The following MBTD1 variants were observed in gnomAD, a reference collection of about 807,000 sequenced individuals.
MBTD1 encodes the protein MBT domain-containing protein 1.
In MBTD1, 24 loss-of-function variants were observed where a neutral mutation model predicts 87.8. The ratio of observed to expected loss-of-function variants is 0.27; its 90% CI spans 0.20 to 0.38. The LOEUF is 0.38. Among genes scored for constraint, MBTD1 ranks in the 10% least tolerant of loss-of-function variants. The probability of loss-of-function intolerance (pLI) is 1.00; values close to 1 mark genes in which losing one functional copy is unlikely to be tolerated. For missense variants in MBTD1, 436 were observed against 760.2 expected, an observed-to-expected ratio of 0.57 and a Z score of 5.02; for synonymous variants, 237 against 248.6, an observed-to-expected ratio of 0.95 and a Z score of 0.44.
chr17:51,227,145 G>C (rs574272171), intron 2 of MBTD1, among the ~76,000 whole-genome samples: 1 of 151,078 alleles, frequency 6.6e-6, no homozygotes, highest in Non-Finnish European at 1.5e-5. Flanking sequence ...GGGAGGATGA[G>C]GCAGGAGAAT....
At chr17:51,234,656 G>C (rs900509269) in intron 2 of MBTD1, among the ~76,000 whole-genome samples, 1 of 152,126 alleles carries the variant, frequency 6.6e-6, no homozygotes, top group Non-Finnish European at 1.5e-5. Context: ...CTTTACTGGG[G>C]AATTCTACTT....
chr17:51,217,242 C>T lies in MBTD1; in HGVS notation c.486+92G>A. ...AGTTACAAGACATAAAAACAAACACCTTCTAAGGATAAGATGCTTAGGTGT... is the reference window on the plus strand; with the variant it reads ...AGTTACAAGACATAAAAACAAACACTTTCTAAGGATAAGATGCTTAGGTGT... On this transcript the variant is annotated intron_variant, in intron 6 of 16. Coordinates refer to ENST00000586178, the MANE Select transcript of MBTD1 (RefSeq NM_017643.3). 6 of 665,072 alleles carry T rather than the reference C, an allele frequency of 9.0e-6. No homozygotes were observed. The South Asian group carries it at 1.3e-4, about 14-fold the overall frequency. 41.2% of individuals were successfully genotyped at this position (665,072 alleles called of 1,614,324 possible). A position where few individuals can be genotyped will look rare whatever the true frequency, so the allele number is the denominator to read the frequency against.
chr17:51,203,720 A>G (rs1398698148), intron 8 of MBTD1, 71 bp downstream of exon 8: 10 of 1,493,812 alleles, frequency 6.7e-6, no homozygotes. Context: ...TTACTCTAAC[A>G]TTACTATGTG....
chr17:51,237,980 G>A lies in MBTD1; in HGVS notation c.-48-12771C>T, dbSNP rs187991391. ...GGAATGAATTATTGATATACACAGC[G>A]TGGATAACCTAAGCCAGACCCAAAA... On this transcript the variant is annotated intron_variant, in intron 2 of 16. Transcript: ENST00000586178. 5.9e-5 allele frequency among the ~76,000 whole-genome samples: 9 copies of A among 152,254 alleles called. No individual in the cohort carries two copies. In the South Asian group the frequency reaches 6.2e-4, roughly 11 times the overall value.
rs1313212296 is a variant in MBTD1, at chr17:51,179,504, A to ATTTT, written c.*1071_*1072insAAAA. The ATTTT allele has an allele frequency of 7.5e-5, 6 of 80,220 alleles. No individual in the cohort carries two copies. The highest frequency in any genetic ancestry group is 1.0e-4 in the Non-Finnish European group (4 of 38,334). 5.0% of individuals were successfully genotyped at this position (80,220 alleles called of 1,614,324 possible). ...CAATTTTATATATATATATATATATATATATATATATATATATATATATAT... is the reference window on the plus strand; with the variant it reads ...CAATTTTATATATATATATATATATATTTTTATATATATATATATATATATATAT... On this transcript the variant is annotated 3_prime_UTR_variant, in exon 17 of 17. Transcript: ENST00000586178.
intron 3 of MBTD1, among the ~76,000 whole-genome samples, chr17:51,220,753 A>T (rs1293032976): frequency 6.6e-6 from 1 of 152,148 alleles, no homozygotes; most frequent in Non-Finnish European, 1.5e-5. Context: ...TTCAACCAAC[A>T]TTTCCTTAGT....
At chr17:51,226,496 A>G (rs1464636647) in intron 2 of MBTD1, among the ~76,000 whole-genome samples, 5 of 151,650 alleles carry the variant, frequency 3.3e-5, no homozygotes, top group African/African-American at 9.7e-5. Context: ...GAGAGAGACC[A>G]TGTCTCAAAA....
intron 16 of MBTD1, among the ~76,000 whole-genome samples, chr17:51,191,183 G>T (rs914693528): frequency 6.6e-6 from 1 of 151,128 alleles, no homozygotes; most frequent in African/African-American, 2.4e-5. Context: ...ATCAAACATA[G>T]TTATCAATAT....
intron 2 of MBTD1, chr17:51,251,338 CCATGTTTCCAAGTCTTCACTGA>C (rs760337861): frequency 1.1e-4 from 16 of 152,206 alleles, no homozygotes; most frequent in African/African-American, 3.9e-4. Context: ...TTCTTCACTG[CCATGTTTCCAAGTCTTCACTGA>C]CATGTCTCCA....
chr17:51,179,492 A>ATATATATATATATATT lies in MBTD1; in HGVS notation c.*1083_*1084insAATATATATATATATA, dbSNP rs1568135612. The ATATATATATATATATT allele has an allele frequency of 1.6e-3, 51 of 30,964 alleles. 2 individuals carry two copies. Among genetic ancestry groups the ATATATATATATATATT allele is most frequent in the Non-Finnish European group, 2.5e-3 (38 of 15,034 alleles). 1.9% of individuals were successfully genotyped at this position (30,964 alleles called of 1,614,324 possible). A position where few individuals can be genotyped will look rare whatever the true frequency, so the allele number is the denominator to read the frequency against. On this transcript the variant is annotated 3_prime_UTR_variant, in exon 17 of 17. Transcript: ENST00000586178. ...TACAATTAAAGACAATTTTATATATATATATATATATATATATATATATAT... is the reference window on the plus strand; with the variant it reads ...TACAATTAAAGACAATTTTATATATATATATATATATATATTTATATATATATATATATATATATAT...
intron 12 of MBTD1, among the ~76,000 whole-genome samples, chr17:51,198,683 G>C (rs1379002855): frequency 1.3e-5 from 2 of 152,340 alleles, no homozygotes; most frequent in African/African-American, 2.4e-5. Context: ...ATCTGGAACT[G>C]AAAGGATCCT....
rs370619252 is a variant in MBTD1, at chr17:51,219,057, A to G, written c.289-13T>C. The G allele has an allele frequency of 2.6e-4, 358 of 1,373,296 alleles. No individual in the cohort carries two copies. In the African/African-American group the frequency reaches 4.6e-3, roughly 18 times the overall value. 85.1% of individuals were successfully genotyped at this position (1,373,296 alleles called of 1,614,324 possible). A position where few individuals can be genotyped will look rare whatever the true frequency, so the allele number is the denominator to read the frequency against. Reference sequence around the variant, plus strand: ...TTGGAGGCTTACCCTAAAACAAGAAAAGTTAAGTAAATAGGATTCTTTTTC... The same window carrying G: ...TTGGAGGCTTACCCTAAAACAAGAAGAGTTAAGTAAATAGGATTCTTTTTC... On this transcript the variant is annotated splice_polypyrimidine_tract_variant and intron_variant, in intron 4 of 16. Coordinates refer to ENST00000586178, the MANE Select transcript of MBTD1 (RefSeq NM_017643.3).
At position 51,202,075 on chromosome 17, in the gene MBTD1, T is replaced by C; in HGVS notation, c.1066A>G (p.Ile356Val). 6.3e-7 allele frequency: 1 copy of C among 1,597,158 alleles called. No individual in the cohort carries two copies. Among genetic ancestry groups the C allele is most frequent in the Non-Finnish European group, 8.6e-7 (1 of 1,166,134 alleles). ...AAATGTCCATCCTGTTTCTTTGTAA[T>C]ATCTACAAGGAAAAGTTACACACTA... ...SIGHRFKRSD[I>V]TKKQDGHFDT... Residue 356 changes from isoleucine to valine, a missense_variant and splice_region_variant, in exon 11 of 17, where the codon ATT (isoleucine) becomes GTT (valine). Coordinates refer to ENST00000586178, the MANE Select transcript of MBTD1 (RefSeq NM_017643.3).
chr17:51,184,167 GT>G (rs1487970457), intron 16 of MBTD1: 1 of 152,172 alleles, frequency 6.6e-6, no homozygotes, highest in African/African-American at 2.4e-5. Context: ...AAGTTTCACT[GT>G]TTTCATGGAA....
intron 2 of MBTD1, among the ~76,000 whole-genome samples, chr17:51,248,741 T>C (rs1471301159): frequency 6.6e-6 from 1 of 152,228 alleles, no homozygotes; most frequent in African/African-American, 2.4e-5. Flanking sequence ...TGTATCAGCT[T>C]ACCCTTTCTT....
At chr17:51,219,193 A>G (rs982458115) in intron 4 of MBTD1, 149 bp from the exon 5 acceptor site, 3 of 568,636 alleles carry the variant, frequency 5.3e-6, no homozygotes, top group Admixed American at 2.9e-5. Context: ...GAATTTTAAC[A>G]TGAGAATTTT....
chr17:51,244,335 G>C (rs1181346065), intron 2 of MBTD1, among the ~76,000 whole-genome samples: 1 of 152,034 alleles, frequency 6.6e-6, no homozygotes, highest in East Asian at 1.9e-4. Flanking sequence ...TTTTCCCAGT[G>C]GTTTATCATT....
In MBTD1 at chr17:51,206,797, C is replaced by T. The variant is rs192642050; in HGVS notation, c.604+91G>A. 76 of 851,678 alleles carry T rather than the reference C, an allele frequency of 8.9e-5. No homozygotes were observed. In the African/African-American group the frequency reaches 9.3e-4, roughly 10 times the overall value. 52.8% of individuals were successfully genotyped at this position (851,678 alleles called of 1,614,324 possible). A position where few individuals can be genotyped will look rare whatever the true frequency, so the allele number is the denominator to read the frequency against. On this transcript the variant is annotated intron_variant, in intron 7 of 16. Transcript: ENST00000586178. ...ATATCATAACATATTTTTTATTTGG[C>T]AATACTTGCAAAATTTATAAACATG...
At chr17:51,260,488 G>A (rs557239623), upstream of MBTD1, 299 of 1,363,260 alleles carry the variant, frequency 2.2e-4, 1 homozygote, top group Middle Eastern at 2.1e-3. Context: ...GGCTCCTTCC[G>A]GCCCCCGGGG....
Sources: allele counts gnomAD v4.1 joint callset (sites outside exome capture counted in the v4.1 genomes callset), GRCh38; gene constraint gnomAD v4.1.1; transcripts MANE v1.5; gene names NCBI Gene and HGNC (gene_info 2026-07-23, HGNC 2026-07-21).